The following PDE1C variants were observed in gnomAD, a reference collection of about 807,000 sequenced individuals.
PDE1C encodes the protein dual specificity calcium/calmodulin-dependent 3',5'-cyclic nucleotide phosphodiesterase 1C.
A neutral mutation model predicts 93.1 loss-of-function variants in PDE1C; 62 were observed. The ratio of observed to expected loss-of-function variants is 0.67; its 90% CI spans 0.54 to 0.82. PDE1C has a LOEUF of 0.82. Among genes scored for constraint, PDE1C ranks in the 40% least tolerant of loss-of-function variants. The probability of loss-of-function intolerance (pLI) is 0.00; values close to 1 mark genes in which losing one functional copy is unlikely to be tolerated. For synonymous variants in PDE1C, 325 were observed against 310.1 expected, an observed-to-expected ratio of 1.05 and a Z score of -0.50; for missense variants, 742 against 884.6, an observed-to-expected ratio of 0.84 and a Z score of 2.04.
chr7:32,283,383 T>C (rs1203736833), intron 1 of PDE1C, among the ~76,000 whole-genome samples: 1 of 152,180 alleles, frequency 6.6e-6, no homozygotes, highest in East Asian at 1.9e-4. Context: ...ATGTTAATAG[T>C]GGTTCTGTCT....
intron 7 of PDE1C, among the ~76,000 whole-genome samples, chr7:31,859,494 TATA>T (rs976109453): frequency 1.1e-4 from 17 of 150,740 alleles, no homozygotes; most frequent in Non-Finnish European, 1.9e-4. Context: ...TATGATATAA[TATA>T]ATGTTACAAT....
At chr7:32,055,353 T>C (rs1793928169) in intron 1 of PDE1C, among the ~76,000 whole-genome samples, 1 of 152,112 alleles carries the variant, frequency 6.6e-6, no homozygotes, top group South Asian at 2.1e-4. Flanking sequence ...ACAAGTTAAC[T>C]CACTTACAAC....
chr7:31,628,968 G>C, the PDE1C span, among the ~76,000 whole-genome samples: 1 of 152,084 alleles, frequency 6.6e-6, no homozygotes, highest in East Asian at 1.9e-4. Context: ...ATTTGGACTG[G>C]TTATCACTAG....
At chr7:32,275,659 C>CA (rs779760174) in intron 1 of PDE1C, among the ~76,000 whole-genome samples, 37 of 140,582 alleles carry the variant, frequency 2.6e-4, no homozygotes, top group South Asian at 4.5e-4. Flanking sequence ...AAAATAAAAC[C>CA]AAAAAAAAAA....
At chr7:31,927,084 CAGCAATCTGA>C (rs1803491049) in intron 2 of PDE1C, among the ~76,000 whole-genome samples, 1 of 152,172 alleles carries the variant, frequency 6.6e-6, no homozygotes, top group Admixed American at 6.5e-5. Context: ...ACTGCCAGCA[CAGCAATCTGA>C]AGTTGACCTG....
chr7:32,205,338 G>A (rs922605395), intron 2 of PDE1C, among the ~76,000 whole-genome samples: 10 of 152,194 alleles, frequency 6.6e-5, no homozygotes, highest in Non-Finnish European at 1.2e-4. Context: ...CTAGCATTGA[G>A]GTGAATCTGG....
chr7:31,845,994 A>G (rs1392263579), intron 9 of PDE1C, among the ~76,000 whole-genome samples: 1 of 151,910 alleles, frequency 6.6e-6, no homozygotes, highest in Non-Finnish European at 1.5e-5. Context: ...CTCTGTCTCA[A>G]AATAATAATA....
chr7:31,702,598 T>G, the PDE1C span, among the ~76,000 whole-genome samples: 6 of 152,218 alleles, frequency 3.9e-5, no homozygotes, highest in Non-Finnish European at 7.3e-5. Flanking sequence ...AGCATGCAAA[T>G]ACCCAAAACT....
intron 1 of PDE1C, among the ~76,000 whole-genome samples, chr7:32,332,183 A>G (rs1394750179): frequency 6.6e-6 from 1 of 152,200 alleles, no homozygotes; most frequent in Non-Finnish European, 1.5e-5. Context: ...TATAATCAAA[A>G]AGAAAAACAC....
chr7:31,740,165 C>G, the PDE1C span, among the ~76,000 whole-genome samples: 1 of 152,204 alleles, frequency 6.6e-6, no homozygotes, highest in Admixed American at 6.5e-5. Context: ...TCTCTTTGAG[C>G]TGCCCTCATG....
At chr7:32,193,788 G>C (rs991706) in intron 2 of PDE1C, among the ~76,000 whole-genome samples, 1 of 151,874 alleles carries the variant, frequency 6.6e-6, no homozygotes, top group Non-Finnish European at 1.5e-5. Context: ...AAGAGATTGC[G>C]GGGGGAGGAC....
rs1005847155 is a variant in PDE1C at position 32,027,556 on chromosome 7, T to C, written c.128+23998A>G. 9.5e-4 allele frequency among the ~76,000 whole-genome samples: 125 copies of C among 131,476 alleles called. 1 individual carries two copies. Among genetic ancestry groups the C allele is most frequent in the Middle Eastern group, 9.4e-3 (2 of 212 alleles). The allele number at this position is 131,476 out of a possible 152,430, so 86.3% of individuals were successfully genotyped here. ...AAATTCACCACAAATGGAATGCCAC[T>C]GCTTCAATTTTCTTTGCAAAGGCAG... On this transcript the variant is annotated intron_variant, in intron 2 of 17. Transcript: ENST00000396191.
intron 1 of PDE1C, among the ~76,000 whole-genome samples, chr7:32,244,300 A>C (rs996714708): frequency 6.6e-6 from 1 of 152,184 alleles, no homozygotes; most frequent in Non-Finnish European, 1.5e-5. Context: ...CTGGATAACA[A>C]GAAAGAAGAC....
At chr7:32,002,901 CT>C (rs1447572535) in intron 2 of PDE1C, among the ~76,000 whole-genome samples, 1 of 152,142 alleles carries the variant, frequency 6.6e-6, no homozygotes, top group East Asian at 1.9e-4. Context: ...AGAGTGATAA[CT>C]ACAAGCAATA....
At chr7:32,025,232 T>A (rs1262006649) in intron 2 of PDE1C, among the ~76,000 whole-genome samples, 2 of 152,112 alleles carry the variant, frequency 1.3e-5, no homozygotes, top group African/African-American at 4.8e-5. Flanking sequence ...ATTTACCTTG[T>A]GTATATAATT....
chr7:31,628,024 G>C, the PDE1C span, among the ~76,000 whole-genome samples: 1 of 152,206 alleles, frequency 6.6e-6, no homozygotes, highest in Non-Finnish European at 1.5e-5. Context: ...AGGTTAATAA[G>C]AGCAGAAAGT....
At chr7:31,800,429 T>G (rs983575377) in intron 16 of PDE1C, among the ~76,000 whole-genome samples, 3 of 151,616 alleles carry the variant, frequency 2.0e-5, no homozygotes, top group Non-Finnish European at 4.4e-5. Context: ...ATGTGATGTA[T>G]AGTTAGAAAT....
At chr7:31,979,699 T>C (rs117917106) in intron 2 of PDE1C, among the ~76,000 whole-genome samples, 2,324 of 152,306 alleles carry the variant, frequency 0.015, 28 homozygotes, top group Non-Finnish European at 0.023. Context: ...CATTTGCAGG[T>C]TTTGCTTTGA....
chr7:32,392,246 A>G (rs1784762818), intron 1 of PDE1C, among the ~76,000 whole-genome samples: 1 of 152,176 alleles, frequency 6.6e-6, no homozygotes, highest in African/African-American at 2.4e-5. Context: ...TCTTACAAAA[A>G]CATGTTAGAA....
Sources: allele counts gnomAD v4.1 joint callset (sites outside exome capture counted in the v4.1 genomes callset), GRCh38; gene constraint gnomAD v4.1.1; transcripts MANE v1.5; gene names NCBI Gene and HGNC (gene_info 2026-07-23, HGNC 2026-07-21).